ANKS1B: variants seen among roughly 807,000 people sequenced by gnomAD.
ANKS1B encodes ankyrin repeat and sterile alpha motif domain-containing protein 1B.
ANKS1B carries 36 observed loss-of-function variants against 148.3 expected under a neutral mutation model. The observed-to-expected ratio is 0.24, with a 90% CI of 0.19 to 0.32. The LOEUF (loss-of-function observed/expected upper bound fraction) is 0.32, where lower values mean the gene tolerates loss of function less well. ANKS1B is among the 10% of genes least tolerant of loss of function. The pLI, the probability that ANKS1B is intolerant of heterozygous loss-of-function variation, is 1.00. For synonymous variants in ANKS1B, 542 were observed against 560.8 expected, an observed-to-expected ratio of 0.97 and a Z score of 0.47; for missense variants, 1,157 against 1,542.6, an observed-to-expected ratio of 0.75 and a Z score of 4.19.
chr12:99,116,308 G>A (rs1337642722), intron 15 of ANKS1B, among the ~76,000 whole-genome samples: 2 of 152,150 alleles, frequency 1.3e-5, no homozygotes, highest in Non-Finnish European at 2.9e-5. Flanking sequence ...CTGCCTCAGG[G>A]TGTTGGCTCA....
rs144487868 is a variant in ANKS1B, at chr12:99,400,546, C to T, written c.1576-735G>A. Among the ~76,000 whole-genome samples, 2 of 144,568 alleles carry T rather than the reference C, an allele frequency of 1.4e-5. 1 individual carries two copies. Among genetic ancestry groups the T allele is most frequent in the Non-Finnish European group, 3.1e-5 (2 of 65,558 alleles). The allele number at this position is 144,568 out of a possible 152,430, so 94.8% of individuals were successfully genotyped here. The stretch of plus-strand genomic sequence containing the variant: ...CGTAGCAATTTTCTGGGGCTTTTTC[C>T]CCATAGTTTTAATTATATTCACTTT... On this transcript the variant is annotated intron_variant, in intron 11 of 26. Coordinates refer to ENST00000683438, the MANE Select transcript of ANKS1B (RefSeq NM_001352186.2).
In ANKS1B at chr12:99,984,819, G is replaced by T. The variant is rs933695694; in HGVS notation, c.-582C>A. On this transcript the variant is annotated 5_prime_UTR_variant, in exon 1 of 27. Transcript: ENST00000683438. The stretch of plus-strand genomic sequence containing the variant: ...GGCCCGCGCCGAGGCAGGGCGGTGG[G>T]GGGCAGCCGCAGCGGGCGCGTGCCG... Among the ~76,000 whole-genome samples the T allele has an allele frequency of 6.8e-6, 1 of 146,360 alleles. No individual in the cohort carries two copies. Among genetic ancestry groups the T allele is most frequent in the Non-Finnish European group, 1.5e-5 (1 of 65,854 alleles).
intron 14 of ANKS1B, among the ~76,000 whole-genome samples, chr12:99,217,572 T>C (rs1050136138): frequency 6.6e-6 from 1 of 152,144 alleles, no homozygotes; most frequent in African/African-American, 2.4e-5. Context: ...TATGTGATCT[T>C]TTTTGTTCAT....
At chr12:99,604,325 A>T (rs1203451363) in intron 9 of ANKS1B, among the ~76,000 whole-genome samples, 1 of 151,964 alleles carries the variant, frequency 6.6e-6, no homozygotes, top group Non-Finnish European at 1.5e-5. Flanking sequence ...TTACTTGACA[A>T]TGCTTCCCAT....
chr12:99,317,663 C>A (rs1272240929), intron 12 of ANKS1B, among the ~76,000 whole-genome samples: 3 of 152,180 alleles, frequency 2.0e-5, no homozygotes, highest in Non-Finnish European at 4.4e-5. Context: ...ATTTCTTTCT[C>A]CTGCCTGATT....
At chr12:99,007,047 T>C (rs982279250) in intron 17 of ANKS1B, among the ~76,000 whole-genome samples, 3 of 135,030 alleles carry the variant, frequency 2.2e-5, no homozygotes, top group African/African-American at 8.6e-5. Flanking sequence ...CCAAAATAGA[T>C]ATAATAAAGC....
At chr12:99,885,310 CTT>C (rs369104539) in intron 1 of ANKS1B, among the ~76,000 whole-genome samples, 43 of 129,884 alleles carry the variant, frequency 3.3e-4, no homozygotes, top group African/African-American at 1.1e-3. Flanking sequence ...TTCTCATGTC[CTT>C]TTTTTTTTTT....
At chr12:98,863,904 C>T (rs1033470636) in intron 17 of ANKS1B, among the ~76,000 whole-genome samples, 6 of 152,182 alleles carry the variant, frequency 3.9e-5, no homozygotes, top group African/African-American at 1.4e-4. Context: ...TTTTAATAGT[C>T]TGTATTACTT....
At chr12:99,286,863 G>A (rs1034157514) in intron 12 of ANKS1B, among the ~76,000 whole-genome samples, 1 of 152,054 alleles carries the variant, frequency 6.6e-6, no homozygotes, top group East Asian at 1.9e-4. Flanking sequence ...TGTGGTTTGG[G>A]TGCCAGCTCA....
At chr12:99,682,927 A>C (rs562273118) in intron 8 of ANKS1B, among the ~76,000 whole-genome samples, 1 of 152,152 alleles carries the variant, frequency 6.6e-6, no homozygotes, top group Non-Finnish European at 1.5e-5. Context: ...ATTTATTAAA[A>C]AATAAAAAAA....
intron 15 of ANKS1B, among the ~76,000 whole-genome samples, chr12:99,152,428 A>G (rs886927340): frequency 6.6e-6 from 1 of 152,202 alleles, no homozygotes; most frequent in East Asian, 1.9e-4. Flanking sequence ...AATATAATCT[A>G]TGATTAGACC....
chr12:99,281,232 G>A (rs758291065), intron 12 of ANKS1B, among the ~76,000 whole-genome samples: 5 of 152,152 alleles, frequency 3.3e-5, no homozygotes, highest in Non-Finnish European at 7.3e-5. Context: ...AGAGTATGCG[G>A]TTTATGTATT....
intron 8 of ANKS1B, among the ~76,000 whole-genome samples, chr12:99,751,767 A>G (rs2061130906): frequency 6.6e-6 from 1 of 152,096 alleles, no homozygotes; most frequent in Non-Finnish European, 1.5e-5. Flanking sequence ...ACTACTTACT[A>G]CAATTACAAC....
chr12:99,175,402 G>A (rs1007173964), intron 14 of ANKS1B, among the ~76,000 whole-genome samples: 1 of 152,188 alleles, frequency 6.6e-6, no homozygotes, highest in African/African-American at 2.4e-5. Flanking sequence ...GAATTCATTT[G>A]TGTTTCATAT....
chr12:98,872,472 G>C (rs1392390710), intron 17 of ANKS1B, among the ~76,000 whole-genome samples: 1 of 152,160 alleles, frequency 6.6e-6, no homozygotes, highest in East Asian at 1.9e-4. Context: ...CCACGAGTTG[G>C]AGGTTGCAGT....
chr12:99,763,781 A>G (rs2062392096), intron 8 of ANKS1B, among the ~76,000 whole-genome samples: 1 of 152,204 alleles, frequency 6.6e-6, no homozygotes, highest in Non-Finnish European at 1.5e-5. Flanking sequence ...ATGTAATCAG[A>G]CATATTTCCT....
At chr12:99,480,850 G>C (rs1006945693) in intron 10 of ANKS1B, among the ~76,000 whole-genome samples, 1 of 151,684 alleles carries the variant, frequency 6.6e-6, no homozygotes, top group Non-Finnish European at 1.5e-5. Context: ...TCTTTTACCA[G>C]ATCTCACTTA....
intron 9 of ANKS1B, among the ~76,000 whole-genome samples, chr12:99,567,809 C>A (rs1246849739): frequency 4.6e-5 from 7 of 152,168 alleles, no homozygotes; most frequent in Non-Finnish European, 1.0e-4. Flanking sequence ...ACTGCTCTTA[C>A]CACACTTTAC....
intron 1 of ANKS1B, among the ~76,000 whole-genome samples, chr12:99,918,842 G>T (rs2094255891): frequency 6.6e-6 from 1 of 152,100 alleles, no homozygotes; most frequent in Admixed American, 6.6e-5. Flanking sequence ...CATTTAGCAT[G>T]TATCTATAAA....
Sources: allele counts gnomAD v4.1 joint callset (sites outside exome capture counted in the v4.1 genomes callset), GRCh38; gene constraint gnomAD v4.1.1; transcripts MANE v1.5; gene names NCBI Gene and HGNC (gene_info 2026-07-23, HGNC 2026-07-21).